Variants in TCERG1 observed in about 807,000 individuals in gnomAD.
TCERG1 encodes TATA box binding protein (TBP)-associated factor, RNA polymerase II, S, 150kD.
A neutral mutation model predicts 144.7 loss-of-function variants in TCERG1; 37 were observed. That is an observed-to-expected ratio of 0.26 (90% CI 0.20 to 0.34). The LOEUF (loss-of-function observed/expected upper bound fraction) is 0.34. Ranked by LOEUF, TCERG1 falls within the 10% of genes least tolerant of loss-of-function variation. The pLI is 1.00. For missense variants in TCERG1, 1,027 were observed against 1,380.7 expected, an observed-to-expected ratio of 0.74 and a Z score of 4.06; for synonymous variants, 492 against 458.2, an observed-to-expected ratio of 1.07 and a Z score of -0.94.
chr5:146,475,668 G>A (rs145959881), intron 9 of TCERG1, among the ~76,000 whole-genome samples: 2 of 152,286 alleles, frequency 1.3e-5, no homozygotes, highest in East Asian at 1.9e-4. Context: ...ACCTTGAGCA[G>A]TAGGATATAA....
At position 146,498,700 on chromosome 5, in the gene TCERG1, A is replaced by G; in HGVS notation, c.2433+14A>G. On this transcript the variant is annotated intron_variant, in intron 17 of 22. Transcript: ENST00000679501. ...AGAGGTGAGAAGGTAAGATGGTTTT[A>G]GTTCCAGTGGTGTGATTGATGGGAG... 1 of 1,604,498 alleles carries G rather than the reference A, an allele frequency of 6.2e-7. No homozygotes were observed. The highest frequency in any genetic ancestry group is 8.5e-7 in the Non-Finnish European group (1 of 1,176,396).
At position 146,459,054 on chromosome 5, in the gene TCERG1, T is replaced by C. The variant is rs1041574130; in HGVS notation, c.609T>C (p.Ala203=). The C allele has an allele frequency of 5.0e-6, 8 of 1,598,310 alleles. No individual in the cohort carries two copies. The African/African-American group carries it at 5.5e-5, about 11-fold the overall frequency. The change falls in exon 4 of 23, where the codon GCT becomes GCC. Residue 203 remains alanine, a synonymous_variant. Transcript: ENST00000679501. ...CGCAGGCTCAGGCCCAGGCACAAGCTCAGGCCCAGGCTCAGGCTCAGGCCC... is the reference window on the plus strand; with the variant it reads ...CGCAGGCTCAGGCCCAGGCACAAGCCCAGGCCCAGGCTCAGGCTCAGGCCC... ...AQAQAQAQAQ[A]QAQAQAQAQA... is the part of the protein sequence containing the mutation.
intron 17 of TCERG1, chr5:146,499,992 C>G (rs1767284237): frequency 6.6e-6 from 1 of 151,818 alleles, no homozygotes; most frequent in Non-Finnish European, 1.5e-5. Flanking sequence ...TTTTTTTAGT[C>G]TTTTTCCTTA....
At chr5:146,452,007 C>T (rs1029368885) in intron 1 of TCERG1, among the ~76,000 whole-genome samples, 11 of 151,674 alleles carry the variant, frequency 7.3e-5, no homozygotes, top group African/African-American at 1.9e-4. Flanking sequence ...AGGCTGGTCT[C>T]GAACTCCTGG....
Position 146,469,759 on chromosome 5 carries a change from T to G in TCERG1, c.1399+15T>G, listed in dbSNP as rs201358092. 864 of 1,539,176 alleles carry G rather than the reference T, an allele frequency of 5.6e-4. 2 individuals carry two copies. Among genetic ancestry groups the G allele is most frequent in the Admixed American group, 8.0e-4 (40 of 50,284 alleles). ...AAAGGAAAAAGGTATATAGTGGTTT[T>G]AATGACTTGGAAAGTAGTATAAACT... On this transcript the variant is annotated intron_variant, in intron 7 of 22. Coordinates refer to ENST00000679501, the MANE Select transcript of TCERG1 (RefSeq NM_001382548.1).
chr5:146,500,481 C>T (rs1451120024), intron 17 of TCERG1, among the ~76,000 whole-genome samples: 2 of 151,932 alleles, frequency 1.3e-5, no homozygotes, highest in Non-Finnish European at 2.9e-5. Context: ...GAGTTTATTT[C>T]CTTGTTCTTG....
chr5:146,457,428 T>C, intron 3 of TCERG1, 93 bp downstream of exon 3: 1 of 1,236,664 alleles, frequency 8.1e-7, no homozygotes, highest in South Asian at 1.6e-5. Flanking sequence ...TACTGTCATT[T>C]AAGAATGAGC....
At chr5:146,502,866 G>A (rs1350096617) in intron 17 of TCERG1, among the ~76,000 whole-genome samples, 1 of 152,012 alleles carries the variant, frequency 6.6e-6, no homozygotes, top group Admixed American at 6.5e-5. Context: ...GACAGTATAA[G>A]TTTGTAATGA....
At position 146,498,690 on chromosome 5, in the gene TCERG1, A is replaced by G. The variant is rs1210977434; in HGVS notation, c.2433+4A>G. Reference sequence around the variant, plus strand: ...TTCGAAGACCAGAGGTGAGAAGGTAAGATGGTTTTAGTTCCAGTGGTGTGA... The same window carrying G: ...TTCGAAGACCAGAGGTGAGAAGGTAGGATGGTTTTAGTTCCAGTGGTGTGA... On this transcript the variant is annotated splice_donor_region_variant and intron_variant, in intron 17 of 22. Coordinates refer to ENST00000679501, the MANE Select transcript of TCERG1 (RefSeq NM_001382548.1). 6.2e-7 allele frequency: 1 copy of G among 1,606,376 alleles called. No homozygotes were observed. Among genetic ancestry groups the G allele is most frequent in the African/African-American group, 1.3e-5 (1 of 74,330 alleles).
chr5:146,503,884 C>A lies in TCERG1; in HGVS notation c.2659C>A (p.Arg887=). ...ERQARIEASL[R]EREREVQKAR... The stretch of plus-strand genomic sequence containing the variant: ...GCAAGCCCGCATTGAGGCAAGCCTT[C>A]GAGAACGAGAAAGGGAGGTTCAAAA... The change falls in exon 19 of 23, where the codon CGA becomes AGA. Residue 887 remains arginine, a synonymous_variant. Coordinates refer to ENST00000679501, the MANE Select transcript of TCERG1 (RefSeq NM_001382548.1). 2 of 1,611,718 alleles carry A rather than the reference C, an allele frequency of 1.2e-6. No individual in the cohort carries two copies. Among genetic ancestry groups the A allele is most frequent in the African/African-American group, 2.7e-5 (2 of 74,902 alleles).
At chr5:146,468,450 G>T (rs1168195567) in intron 6 of TCERG1, 47 bp downstream of exon 6, 1 of 1,553,462 alleles carries the variant, frequency 6.4e-7, no homozygotes, top group Non-Finnish European at 8.8e-7. Context: ...AAGTTGGCAT[G>T]GTAGTGAATG....
chr5:146,488,374 C>T (rs1766051582), intron 15 of TCERG1, among the ~76,000 whole-genome samples: 1 of 152,118 alleles, frequency 6.6e-6, no homozygotes, highest in South Asian at 2.1e-4. Flanking sequence ...ACAAGGAACT[C>T]AGTCATCCCA....
intron 1 of TCERG1, among the ~76,000 whole-genome samples, chr5:146,454,833 G>A (rs1667636787): frequency 6.6e-6 from 1 of 152,088 alleles, no homozygotes; most frequent in Non-Finnish European, 1.5e-5. Context: ...CCTGACCTCA[G>A]GTGATCCACC....
chr5:146,498,588 G>A lies in TCERG1; in HGVS notation c.2335G>A (p.Ala779Thr). ...GCATGCTAAAGATTCAAGATTCAAA[G>A]CAATTGAAAAGATGAAAGACCGAGA... ...AKHAKDSRFK[A>T]IEKMKDREAL... Residue 779 changes from alanine to threonine, a missense_variant, in exon 17 of 23, where the codon GCA (alanine) becomes ACA (threonine). Coordinates refer to ENST00000679501, the MANE Select transcript of TCERG1 (RefSeq NM_001382548.1). The A allele has an allele frequency of 6.2e-7, 1 of 1,610,238 alleles. No individual in the cohort carries two copies. Among genetic ancestry groups the A allele is most frequent in the South Asian group, 1.1e-5 (1 of 90,322 alleles).
chr5:146,477,034 T>C (rs7719203), intron 9 of TCERG1, among the ~76,000 whole-genome samples: 146,456 of 152,330 alleles, frequency 0.96, 70,434 homozygotes, highest in East Asian at 1. Flanking sequence ...AAAGTGCAGG[T>C]GTGAGAAGTA....
At chr5:146,496,406 G>C (rs1207475728) in intron 16 of TCERG1, among the ~76,000 whole-genome samples, 3 of 152,070 alleles carry the variant, frequency 2.0e-5, no homozygotes, top group Non-Finnish European at 2.9e-5. Context: ...ACATGTCCCT[G>C]AGACTGTTTC....
At chr5:146,454,207 A>T (rs12514255) in intron 1 of TCERG1, among the ~76,000 whole-genome samples, 1 of 149,652 alleles carries the variant, frequency 6.7e-6, no homozygotes, top group Non-Finnish European at 1.5e-5. Flanking sequence ...CTCAAAAAAA[A>T]AAAAGAAAAG....
intron 4 of TCERG1, among the ~76,000 whole-genome samples, chr5:146,462,291 T>C (rs1313020060): frequency 6.6e-6 from 1 of 152,244 alleles, no homozygotes; most frequent in African/African-American, 2.4e-5. Context: ...TTTCATTTTA[T>C]TTCATTTGAC....
chr5:146,494,675 T>A (rs931187925), intron 16 of TCERG1, among the ~76,000 whole-genome samples: 1 of 152,154 alleles, frequency 6.6e-6, no homozygotes, highest in Non-Finnish European at 1.5e-5. Flanking sequence ...TCTGTTGGCC[T>A]AATTTTTTTT....
Sources: allele counts gnomAD v4.1 joint callset (sites outside exome capture counted in the v4.1 genomes callset), GRCh38; gene constraint gnomAD v4.1.1; transcripts MANE v1.5; gene names NCBI Gene and HGNC (gene_info 2026-07-23, HGNC 2026-07-21).